Variants in MIB1 observed in about 807,000 individuals in gnomAD.
The protein encoded by MIB1 is E3 ubiquitin-protein ligase MIB1.
MIB1 carries 278 observed loss-of-function variants against 124.5 expected under a neutral mutation model. The ratio of observed to expected loss-of-function variants is 2.23; its 90% CI spans 2.02 to 2.47. The LOEUF (loss-of-function observed/expected upper bound fraction) is 2.47. MIB1 is among the 30% of genes most tolerant of loss of function. MIB1 has a pLI of 0.00. For synonymous variants in MIB1, 446 were observed against 429.4 expected (o/e 1.04, Z -0.48); for missense variants, 957 against 1,254.4 (o/e 0.76, Z 3.58).
intron 1 of MIB1, among the ~76,000 whole-genome samples, chr18:21,705,797 AC>A (rs1014286617): frequency 1.3e-5 from 2 of 152,188 alleles, no homozygotes; most frequent in Non-Finnish European, 2.9e-5. Flanking sequence ...TAATTCAATT[AC>A]CTTTACTGAG....
At chr18:21,795,618 G>A (rs996658666) in intron 7 of MIB1, among the ~76,000 whole-genome samples, 1 of 151,382 alleles carries the variant, frequency 6.6e-6, no homozygotes, top group African/African-American at 2.4e-5. Context: ...ATTGTAAAAC[G>A]AAGTTAAATT....
At chr18:21,862,044 G>A (rs2042281258) in intron 20 of MIB1, among the ~76,000 whole-genome samples, 1 of 152,062 alleles carries the variant, frequency 6.6e-6, no homozygotes. Context: ...TGGGACTACA[G>A]GCATGTGCTG....
In MIB1 at chr18:21,819,524, T is replaced by C. The variant is rs879041015; in HGVS notation, c.1707T>C (p.Asp569=). Reference sequence around the variant, plus strand: ...CTGAAGGTGATACCCCTCTTCATGATGCAATAAGTAAGAAACGTGATGATA... The same window carrying C: ...CTGAAGGTGATACCCCTCTTCATGACGCAATAAGTAAGAAACGTGATGATA... The part of the protein sequence containing the change: ...QDSEGDTPLH[D]AISKKRDDIL... The change falls in exon 12 of 21, where the codon GAT becomes GAC. Residue 569 remains aspartate (D), a synonymous_variant. Transcript: ENST00000261537. 2 of 1,608,828 alleles carry C rather than the reference T, an allele frequency of 1.2e-6. No individual in the cohort carries two copies. The highest frequency in any genetic ancestry group is 2.2e-5 in the South Asian group (2 of 89,872).
chr18:21,776,109 A>AC (rs2041282038), intron 4 of MIB1, among the ~76,000 whole-genome samples: 1 of 152,094 alleles, frequency 6.6e-6, no homozygotes, highest in South Asian at 2.1e-4. Flanking sequence ...TCTACAAACA[A>AC]TAAAAAATGT....
chr18:21,843,068 T>C lies in MIB1; in HGVS notation c.1963-63T>C, dbSNP rs144787100. 4.3e-5 allele frequency: 50 copies of C among 1,171,436 alleles called. No individual in the cohort carries two copies. In the African/African-American group the frequency reaches 4.7e-4, roughly 11 times the overall value. The allele number at this position is 1,171,436 out of a possible 1,614,324, so 72.6% of individuals were successfully genotyped here. On this transcript the variant is annotated intron_variant, in intron 13 of 20. Transcript: ENST00000261537. ...GTTATTTATTCCTTATGAGTAGTTA[T>C]AGTTTTCATGTTCTTTACTGTTGTC...
rs765554579 is a variant in MIB1 at position 21,815,816 on chromosome 18, A to G, written c.1677+3A>G. ...TTGGCTGTCATCCCAGTCTCCAGGTAAAACCTTTAAAGAAACACATCCTGC... is the reference window on the plus strand; with the variant it reads ...TTGGCTGTCATCCCAGTCTCCAGGTGAAACCTTTAAAGAAACACATCCTGC... On this transcript the variant is annotated splice_donor_region_variant and intron_variant, in intron 11 of 20. Transcript: ENST00000261537. 4.3e-6 allele frequency: 7 copies of G among 1,613,572 alleles called. No individual in the cohort carries two copies. The highest frequency in any genetic ancestry group is 1.7e-5 in the Admixed American group (1 of 60,014).
intron 1 of MIB1, among the ~76,000 whole-genome samples, chr18:21,748,638 C>T (rs1331192127): frequency 6.6e-6 from 1 of 151,134 alleles, no homozygotes; most frequent in African/African-American, 2.4e-5. Context: ...GCCGTGTTGC[C>T]CAGGTTGGTC....
intron 7 of MIB1, 37 bp downstream of exon 7, chr18:21,791,594 C>A (rs780891415): frequency 2.0e-6 from 3 of 1,493,122 alleles, no homozygotes; most frequent in Non-Finnish European, 1.8e-6. Context: ...CTAGAAATTA[C>A]AATATACTTA....
intron 1 of MIB1, among the ~76,000 whole-genome samples, chr18:21,745,427 G>C (rs1008423552): frequency 6.6e-6 from 1 of 152,162 alleles, no homozygotes. Context: ...AATATCTCCA[G>C]ACATTGCCAG....
intron 1 of MIB1, among the ~76,000 whole-genome samples, chr18:21,728,489 G>A (rs916889082): frequency 2.6e-5 from 4 of 151,602 alleles, no homozygotes; most frequent in South Asian, 2.1e-4. Context: ...AAAAAACTCC[G>A]TCTCAAAAAA....
At chr18:21,861,188 C>G (rs2042273495) in intron 20 of MIB1, among the ~76,000 whole-genome samples, 1 of 151,990 alleles carries the variant, frequency 6.6e-6, no homozygotes, top group African/African-American at 2.4e-5. Flanking sequence ...AAGTGAAGAT[C>G]AATATGAATT....
At chr18:21,805,927 A>G (rs2041700504) in intron 10 of MIB1, among the ~76,000 whole-genome samples, 1 of 131,640 alleles carries the variant, frequency 7.6e-6, no homozygotes, top group Non-Finnish European at 1.6e-5. Flanking sequence ...TTTTTGAGAC[A>G]GAGTCTCCCC....
rs540201327 is a variant in MIB1 at position 21,867,671 on chromosome 18, A to G, written c.*3005A>G. On this transcript the variant is annotated 3_prime_UTR_variant, in exon 21 of 21. Transcript: ENST00000261537. The stretch of plus-strand genomic sequence containing the variant: ...TGTTGGAAATACATTTCTAAAATTT[A>G]TATTTTTATGGTGTTAGCCTGTAAG... 1.9e-4 allele frequency: 29 copies of G among 152,708 alleles called. No individual in the cohort carries two copies. Among genetic ancestry groups the G allele is most frequent in the African/African-American group, 5.8e-4 (24 of 41,590 alleles). The allele number at this position is 152,708 out of a possible 1,614,324, so 9.5% of individuals were successfully genotyped here. A position where few individuals can be genotyped will look rare whatever the true frequency, so the allele number is the denominator to read the frequency against.
intron 1 of MIB1, among the ~76,000 whole-genome samples, chr18:21,748,764 ACT>A (rs2040941555): frequency 9.9e-6 from 1 of 101,384 alleles, no homozygotes; most frequent in Non-Finnish European, 1.9e-5. Flanking sequence ...AAAGAGTTTC[ACT>A]CTGTTGCCCA....
intron 13 of MIB1, among the ~76,000 whole-genome samples, chr18:21,840,961 A>C (rs2042083547): frequency 6.6e-6 from 1 of 152,186 alleles, no homozygotes; most frequent in South Asian, 2.1e-4. Flanking sequence ...ACTTCATCAA[A>C]AACTAAACTT....
At chr18:21,745,675 AACACACACAC>A (rs144491531) in intron 1 of MIB1, among the ~76,000 whole-genome samples, 93 of 144,748 alleles carry the variant, frequency 6.4e-4, no homozygotes, top group Admixed American at 3.4e-3. Context: ...ATAGGTGTTA[AACACACACAC>A]ACACACACAC....
chr18:21,724,728 ATATATATATATATATATAT>A (rs1377874758), intron 1 of MIB1, among the ~76,000 whole-genome samples: 21 of 18,842 alleles, frequency 1.1e-3, no homozygotes, highest in African/African-American at 4.3e-3. Context: ...AAAAAAAAAA[ATATATATATATATATATAT>A]ATATATATAT....
intron 10 of MIB1, among the ~76,000 whole-genome samples, chr18:21,807,745 T>A (rs1008690109): frequency 9.9e-5 from 15 of 152,198 alleles, no homozygotes; most frequent in Non-Finnish European, 1.9e-4. Context: ...AGTGCTAAAG[T>A]GGAGAAAATA....
At chr18:21,842,254 CAA>C (rs1802700845) in intron 13 of MIB1, among the ~76,000 whole-genome samples, 1 of 152,074 alleles carries the variant, frequency 6.6e-6, no homozygotes, top group African/African-American at 2.4e-5. Flanking sequence ...CCGCCAGTAT[CAA>C]GAGTTGTAAC....
Sources: allele counts gnomAD v4.1 joint callset (sites outside exome capture counted in the v4.1 genomes callset), GRCh38; gene constraint gnomAD v4.1.1; transcripts MANE v1.5; gene names NCBI Gene and HGNC (gene_info 2026-07-23, HGNC 2026-07-21).